ARHGEF10L: variants seen among roughly 807,000 people sequenced by gnomAD.
The protein encoded by ARHGEF10L is rho guanine nucleotide exchange factor 10-like protein.
ARHGEF10L carries 69 observed loss-of-function variants against 141.2 expected under a neutral mutation model. The ratio of observed to expected loss-of-function variants is 0.49; its 90% confidence interval spans 0.40 to 0.60. ARHGEF10L has a LOEUF of 0.60. Among genes scored for constraint, ARHGEF10L ranks in the 20% least tolerant of loss-of-function variants. The pLI is 0.00. For synonymous variants in ARHGEF10L, 711 were observed against 718.5 expected, an observed-to-expected ratio of 0.99 and a Z score of 0.17; for missense variants, 1,482 against 1,734.3, an observed-to-expected ratio of 0.85 and a Z score of 2.58.
rs922373950 is a variant in ARHGEF10L at position 17,648,634 on chromosome 1, T to C, written c.2353T>C (p.Cys785Arg). 6.2e-7 allele frequency: 1 copy of C among 1,613,210 alleles called. No individual in the cohort carries two copies. The highest frequency in any genetic ancestry group is 1.7e-5 in the Admixed American group (1 of 60,028). The change falls in exon 22 of 29, where the codon TGC becomes CGC. Residue 785 changes from cysteine (C) to arginine (R), a missense_variant. Transcript: ENST00000361221. ...CCCATTCTGGTGCCCGATCCTGGCCTGCTGCATCCCTGCCTTCTCCTCCCG... is the reference window on the plus strand; with the variant it reads ...CCCATTCTGGTGCCCGATCCTGGCCCGCTGCATCCCTGCCTTCTCCTCCCG... ...KAPFWCPILA[C>R]CIPAFSSRAL...
the ARHGEF10L span, among the ~76,000 whole-genome samples, chr1:17,532,268 G>A: frequency 6.6e-6 from 1 of 152,136 alleles, no homozygotes; most frequent in Non-Finnish European, 1.5e-5. Flanking sequence ...TTATGCCTGG[G>A]AGCCTGGCCT....
chr1:17,695,354 G>T (rs1355389212), intron 28 of ARHGEF10L, 74 bp downstream of exon 28: 8 of 1,519,724 alleles, frequency 5.3e-6, no homozygotes, highest in Admixed American at 2.2e-5. Flanking sequence ...TGGCGGGGAG[G>T]GTGTATTATG....
chr1:17,654,590 G>T lies in ARHGEF10L; in HGVS notation c.2395-46G>T. 1 of 1,549,776 alleles carries T rather than the reference G, an allele frequency of 6.5e-7. No homozygotes were observed. Among genetic ancestry groups the T allele is most frequent in the Non-Finnish European group, 8.9e-7 (1 of 1,121,474 alleles). Reference sequence around the variant, plus strand: ...GGAATCTGCCAAATATTGGCATCTGGGCACCTTGATGATTAACCTCACATG... The same window carrying T: ...GGAATCTGCCAAATATTGGCATCTGTGCACCTTGATGATTAACCTCACATG... On this transcript the variant is annotated intron_variant, in intron 22 of 28. Coordinates refer to ENST00000361221, the MANE Select transcript of ARHGEF10L (RefSeq NM_018125.4). This position sits in a 1 kb window ranked among gnomAD's most constrained non-coding sequence, Gnocchi z 4.3.
intron 4 of ARHGEF10L, among the ~76,000 whole-genome samples, chr1:17,600,299 G>A (rs1352969784): frequency 6.6e-6 from 1 of 152,212 alleles, no homozygotes; most frequent in Non-Finnish European, 1.5e-5. Context: ...ACAGGCTCGG[G>A]TGCCAGGAAG....
At position 17,623,144 on chromosome 1, in the gene ARHGEF10L, C is replaced by T; in HGVS notation, c.1169C>T (p.Thr390Ile). Reference protein sequence around the residue: ...LSSRVAEWDSTEKIGDLFVAS... With the variant: ...LSSRVAEWDSIEKIGDLFVAS... ...TCCCGCGTGGCTGAGTGGGATTCCACCGAGAAGATCGGGGACCTCTTCGTG... is the reference window on the plus strand; with the variant it reads ...TCCCGCGTGGCTGAGTGGGATTCCATCGAGAAGATCGGGGACCTCTTCGTG... The change falls in exon 12 of 29, where the codon ACC becomes ATC. Residue 390 changes from threonine to isoleucine, a missense_variant. Around this residue, in one of 3 missense-constraint regions of ARHGEF10L, gnomAD observed 392 missense variants for 542.1 expected, o/e 0.72. Transcript: ENST00000361221. This position sits in a 1 kb window ranked among gnomAD's most constrained non-coding sequence, Gnocchi z 4.7. The T allele has an allele frequency of 6.2e-7, 1 of 1,613,790 alleles. No homozygotes were observed. Among genetic ancestry groups the T allele is most frequent in the Non-Finnish European group, 8.5e-7 (1 of 1,179,886 alleles).
chr1:17,647,888 G>A (rs1209813033), intron 21 of ARHGEF10L, among the ~76,000 whole-genome samples: 3 of 152,158 alleles, frequency 2.0e-5, no homozygotes, highest in East Asian at 1.9e-4. Context: ...GTGACCTCCC[G>A]TGGTGAGTCC....
intron 1 of ARHGEF10L, among the ~76,000 whole-genome samples, chr1:17,569,687 G>A (rs2077910079): frequency 6.6e-6 from 1 of 152,172 alleles, no homozygotes; most frequent in Non-Finnish European, 1.5e-5. Flanking sequence ...CCGGTGCCCA[G>A]CCTTGCTCCT....
chr1:17,693,216 A>G (rs958446515), intron 27 of ARHGEF10L, among the ~76,000 whole-genome samples: 5 of 152,244 alleles, frequency 3.3e-5, no homozygotes, highest in African/African-American at 1.2e-4. Flanking sequence ...CGGAAGCCAC[A>G]TGTGGCTGAT....
At position 17,609,474 on chromosome 1, in the gene ARHGEF10L, A is replaced by G. The variant is rs190947451; in HGVS notation, c.609+1497A>G. On this transcript the variant is annotated intron_variant, in intron 7 of 28. Coordinates refer to ENST00000361221, the MANE Select transcript of ARHGEF10L (RefSeq NM_018125.4). ...CAGTTGTGGGACGGGATACATTGGA[A>G]CAGGAAGACCTAATCTGTGCTCAGT... Among the ~76,000 whole-genome samples, 13 of 152,354 alleles carry G rather than the reference A, an allele frequency of 8.5e-5. No homozygotes were observed. In the East Asian group the frequency reaches 1.3e-3, roughly 16 times the overall value.
chr1:17,604,312 T>C (rs1029988467), intron 6 of ARHGEF10L, among the ~76,000 whole-genome samples: 11 of 152,238 alleles, frequency 7.2e-5, no homozygotes, highest in African/African-American at 2.4e-4. Flanking sequence ...TTGTGACAGA[T>C]GAGGCACATT....
chr1:17,695,259 G>C lies in ARHGEF10L; in HGVS notation c.3286G>C (p.Glu1096Gln). Residue 1096 changes from glutamate (E) to glutamine (Q), a missense_variant, in exon 28 of 29, where the codon GAA (glutamate) becomes CAA (glutamine). Around this residue, in one of 3 missense-constraint regions of ARHGEF10L, gnomAD observed 858 missense variants for 966.3 expected, o/e 0.89. Coordinates refer to ENST00000361221, the MANE Select transcript of ARHGEF10L (RefSeq NM_018125.4). ...VIVLLPVPRL[E>Q]GIPKITGKGM... ...CGTCCTGCTGCCCGTGCCTCGGCTG[G>C]AAGGCATCCCCAAGATCACAGGTGA... The C allele has an allele frequency of 6.3e-7, 1 of 1,593,158 alleles. No individual in the cohort carries two copies. Among genetic ancestry groups the C allele is most frequent in the African/African-American group, 1.3e-5 (1 of 74,714 alleles).
rs565923051 is a variant in ARHGEF10L, at chr1:17,625,185, C to T, written c.1317+682C>T. The stretch of plus-strand genomic sequence containing the variant: ...AGCCACCATCTGACATGGGCCCTGG[C>T]GGGGGATGGTGGGATTGTGCCAAAT... On this transcript the variant is annotated intron_variant, in intron 13 of 28. Coordinates refer to ENST00000361221, the MANE Select transcript of ARHGEF10L (RefSeq NM_018125.4). The surrounding 1 kb of genome is among the most constrained non-coding windows in gnomAD (Gnocchi z 4.5). Among the ~76,000 whole-genome samples, 26 of 152,212 alleles carry T rather than the reference C, an allele frequency of 1.7e-4. 2 individuals are homozygous for T. The South Asian group carries it at 3.9e-3, about 23-fold the overall frequency.
Position 17,603,512 on chromosome 1 carries a change from C to G in ARHGEF10L, c.354C>G (p.Asp118Glu), listed in dbSNP as rs755722777. ...SWKRKSSRRI[D>E]RFTFPALEED... ...CTCTCCCCACTTCCCTCCCAGTTGACCGGTTCACTTTCCCCGCCCTGGAAG... is the reference window on the plus strand; with the variant it reads ...CTCTCCCCACTTCCCTCCCAGTTGAGCGGTTCACTTTCCCCGCCCTGGAAG... Residue 118 changes from aspartate to glutamate, a missense_variant, in exon 6 of 29, where the codon GAC (aspartate) becomes GAG (glutamate). By Grantham distance (45) the Asp-to-Glu change is conservative. Transcript: ENST00000361221. The surrounding 1 kb of genome is among the most constrained non-coding windows in gnomAD (Gnocchi z 4.8). The G allele has an allele frequency of 4.3e-6, 7 of 1,613,294 alleles. No individual in the cohort carries two copies. The East Asian group carries it at 1.3e-4, about 31-fold the overall frequency.
intron 1 of ARHGEF10L, among the ~76,000 whole-genome samples, chr1:17,572,703 CTT>C (rs2078054541): frequency 6.6e-6 from 1 of 152,192 alleles, no homozygotes; most frequent in South Asian, 2.1e-4. Flanking sequence ...CCGGAACTCT[CTT>C]TTGTTTCTTT....
At chr1:17,541,153 T>C (rs1251022092) in intron 1 of ARHGEF10L, among the ~76,000 whole-genome samples, 1 of 152,194 alleles carries the variant, frequency 6.6e-6, no homozygotes, top group Admixed American at 6.5e-5. Context: ...TGAGGCCCCC[T>C]GTCCCTTCCC....
At chr1:17,675,904 TTG>T (rs1392724439) in intron 26 of ARHGEF10L, among the ~76,000 whole-genome samples, 9 of 67,960 alleles carry the variant, frequency 1.3e-4, no homozygotes, top group Non-Finnish European at 2.0e-4. Flanking sequence ...GGGTAAAGGT[TTG>T]TGTGCAAGTG....
the ARHGEF10L span, among the ~76,000 whole-genome samples, chr1:17,515,363 G>C: frequency 2.5e-4 from 38 of 150,796 alleles, no homozygotes; most frequent in African/African-American, 8.8e-4. Flanking sequence ...GTGTGATCTC[G>C]GCTCACTGCA....
chr1:17,573,868 CAG>C lies in ARHGEF10L; in HGVS notation c.-43-6682_-43-6681del, dbSNP rs1309140516. On this transcript the variant is annotated intron_variant, in intron 1 of 28. Coordinates refer to ENST00000361221, the MANE Select transcript of ARHGEF10L (RefSeq NM_018125.4). The surrounding 1 kb of genome is among the most constrained non-coding windows in gnomAD (Gnocchi z 4.8). ...GGTGCCACCGACTCTGGGCTCAGGACAGAGTCTCCATTGTCTGAGGCTCCAGC... is the reference window on the plus strand; with the variant it reads ...GGTGCCACCGACTCTGGGCTCAGGACAGTCTCCATTGTCTGAGGCTCCAGC... 6.6e-6 allele frequency among the ~76,000 whole-genome samples: 1 copy of C among 152,050 alleles called. No homozygotes were observed. Among genetic ancestry groups the C allele is most frequent in the African/African-American group, 2.4e-5 (1 of 41,412 alleles).
intron 4 of ARHGEF10L, among the ~76,000 whole-genome samples, chr1:17,594,190 T>C (rs1399154770): frequency 1.3e-5 from 2 of 151,950 alleles, no homozygotes; most frequent in African/African-American, 2.4e-5. Flanking sequence ...CTCTGAGAGC[T>C]TTCCCTCCCC....
Sources: gnomAD v4.1 joint callset for allele counts (sites outside exome capture counted in the v4.1 genomes callset) on GRCh38, gnomAD v4.1.1 for gene constraint, gnomAD v4.1.1 regional missense constraint, Gnocchi (gnomAD v3.1) non-coding constraint, MANE v1.5 for transcripts, NCBI Gene and HGNC (gene_info 2026-07-23, HGNC 2026-07-21) for gene names.